AUTS2: variants seen among roughly 807,000 people sequenced by gnomAD.
AUTS2 encodes activator of transcription and developmental regulator AUTS2, also known as autism susceptibility gene 2 protein.
AUTS2 carries 17 observed loss-of-function variants against 112.4 expected under a neutral mutation model. That is an observed-to-expected ratio of 0.15 (90% confidence interval 0.10 to 0.23). The LOEUF (loss-of-function observed/expected upper bound fraction) is 0.23. Ranked by LOEUF, AUTS2 falls within the 10% of genes least tolerant of loss-of-function variation. The pLI, the probability that AUTS2 is intolerant of heterozygous loss-of-function variation, is 1.00. For missense variants in AUTS2, 1,510 were observed against 1,701.6 expected (o/e 0.89, Z 1.98); for synonymous variants, 751 against 702.7 (o/e 1.07, Z -1.09).
rs114878614 is a variant in AUTS2 at position 70,493,399 on chromosome 7, A to G, written c.690+57618A>G. 1.8e-3 allele frequency among the ~76,000 whole-genome samples: 272 copies of G among 152,300 alleles called. 1 individual carries two copies. Among genetic ancestry groups the G allele is most frequent in the African/African-American group, 6.2e-3 (257 of 41,566 alleles). ...ATGGGCTGGATGGCTAAGTGAGTGC[A>G]TGGATAGATGGATGCCCAAGCAACA... is the stretch of plus-strand genomic sequence containing the variant. On this transcript the variant is annotated intron_variant, in intron 5 of 18. Coordinates refer to ENST00000342771, the MANE Select transcript of AUTS2 (RefSeq NM_015570.4).
At chr7:70,518,041 G>C (rs1196371342) in intron 5 of AUTS2, among the ~76,000 whole-genome samples, 1 of 152,138 alleles carries the variant, frequency 6.6e-6, no homozygotes, top group African/African-American at 2.4e-5. Context: ...TAAAATACTT[G>C]AATCACCAAT....
intron 2 of AUTS2, among the ~76,000 whole-genome samples, chr7:69,902,339 C>T (rs566508930): frequency 1.3e-5 from 2 of 152,164 alleles, no homozygotes; most frequent in South Asian, 2.1e-4. Context: ...TTATCGCCTG[C>T]GTTTGCCTCT....
chr7:70,408,531 C>T (rs1794638341), intron 4 of AUTS2, among the ~76,000 whole-genome samples: 2 of 152,212 alleles, frequency 1.3e-5, no homozygotes, highest in Non-Finnish European at 2.9e-5. Flanking sequence ...CCCTTAAAAA[C>T]AGCAACTGTT....
At chr7:70,708,990 T>C (rs577482832) in intron 6 of AUTS2, among the ~76,000 whole-genome samples, 1 of 150,700 alleles carries the variant, frequency 6.6e-6, no homozygotes, top group Admixed American at 6.6e-5. Flanking sequence ...CCATCTCGGC[T>C]CACTGCAACC....
At chr7:70,318,801 C>T (rs1585012953) in intron 4 of AUTS2, among the ~76,000 whole-genome samples, 2 of 152,206 alleles carry the variant, frequency 1.3e-5, no homozygotes, top group East Asian at 3.9e-4. Flanking sequence ...GCAGCCCCCA[C>T]TTCTCATTAC....
chr7:70,778,470 A>AAAAC (rs1309686189), intron 14 of AUTS2, among the ~76,000 whole-genome samples: 2 of 152,084 alleles, frequency 1.3e-5, no homozygotes, highest in African/African-American at 4.8e-5. Flanking sequence ...TTTTTAAAAT[A>AAAAC]AAACAACCCA....
chr7:70,079,989 C>T (rs530931524), intron 2 of AUTS2, among the ~76,000 whole-genome samples: 1 of 152,044 alleles, frequency 6.6e-6, no homozygotes, highest in African/African-American at 2.4e-5. Flanking sequence ...CAGCATTAAT[C>T]CATTCATGAG....
At chr7:69,990,097 A>G (rs1323712450) in intron 2 of AUTS2, among the ~76,000 whole-genome samples, 6 of 152,178 alleles carry the variant, frequency 3.9e-5, no homozygotes, top group South Asian at 4.1e-4. Context: ...AGAAATAGCA[A>G]TACAAAGTTG....
chr7:70,729,433 C>T (rs980771253), intron 6 of AUTS2, among the ~76,000 whole-genome samples: 10 of 152,224 alleles, frequency 6.6e-5, no homozygotes, highest in African/African-American at 2.2e-4. Context: ...TTTCCAGGAA[C>T]GTGTCCCTAC....
intron 2 of AUTS2, among the ~76,000 whole-genome samples, chr7:69,920,455 T>C (rs1584443107): frequency 6.6e-6 from 1 of 151,980 alleles, no homozygotes; most frequent in South Asian, 2.1e-4. Context: ...CCCGGCTGTT[T>C]TTGTATTTTC....
chr7:70,673,715 G>C (rs76503505), intron 5 of AUTS2, among the ~76,000 whole-genome samples: 2,180 of 152,226 alleles, frequency 0.014, 15 homozygotes, highest in Non-Finnish European at 0.025. Context: ...CCCAGTGCTG[G>C]ATTGTGAGCT....
At chr7:70,616,275 T>C (rs559662566) in intron 5 of AUTS2, among the ~76,000 whole-genome samples, 17 of 152,200 alleles carry the variant, frequency 1.1e-4, no homozygotes, top group Non-Finnish European at 2.4e-4. Flanking sequence ...GACAGTGCAG[T>C]TGGGAAGCAT....
chr7:70,725,869 G>A (rs1786995814), intron 6 of AUTS2, among the ~76,000 whole-genome samples: 1 of 151,962 alleles, frequency 6.6e-6, no homozygotes, highest in Admixed American at 6.6e-5. Context: ...GAGGTCAGGA[G>A]TTTGAGACCA....
intron 1 of AUTS2, among the ~76,000 whole-genome samples, chr7:69,775,973 C>T (rs1584229605): frequency 6.6e-6 from 1 of 152,292 alleles, no homozygotes; most frequent in African/African-American, 2.4e-5. Context: ...CTGAGTTCAC[C>T]ATGGGATTCT....
intron 17 of AUTS2, 89 bp from the exon 18 acceptor site, chr7:70,787,120 G>A: frequency 7.8e-6 from 9 of 1,152,906 alleles, no homozygotes; most frequent in Non-Finnish European, 1.2e-5. Flanking sequence ...AACTCTGAAT[G>A]CTGTTAAAAG....
intron 1 of AUTS2, among the ~76,000 whole-genome samples, chr7:69,644,729 A>T (rs1794948462): frequency 6.6e-6 from 1 of 152,218 alleles, no homozygotes; most frequent in African/African-American, 2.4e-5. Flanking sequence ...AATATGACTT[A>T]ACTGTATAAG....
At chr7:70,213,035 G>A (rs1335942332) in intron 4 of AUTS2, among the ~76,000 whole-genome samples, 3 of 151,994 alleles carry the variant, frequency 2.0e-5, no homozygotes, top group Non-Finnish European at 2.9e-5. Flanking sequence ...CAATTCAAAT[G>A]TTCTTAACAT....
At chr7:70,769,218 C>G (rs1318353445) in intron 10 of AUTS2, among the ~76,000 whole-genome samples, 1 of 152,196 alleles carries the variant, frequency 6.6e-6, no homozygotes, top group African/African-American at 2.4e-5. Flanking sequence ...CCTCCTCCCC[C>G]TCCCTCCCAA....
chr7:70,079,103 C>T (rs1287844023), intron 2 of AUTS2, among the ~76,000 whole-genome samples: 1 of 152,124 alleles, frequency 6.6e-6, no homozygotes, highest in Non-Finnish European at 1.5e-5. Context: ...GGAAGGATAG[C>T]CCAGTCATAA....
Sources: allele counts gnomAD v4.1 joint callset (sites outside exome capture counted in the v4.1 genomes callset), GRCh38; gene constraint gnomAD v4.1.1; transcripts MANE v1.5; gene names NCBI Gene and HGNC (gene_info 2026-07-23, HGNC 2026-07-21).